Variants in GNB4 observed in about 807,000 individuals in gnomAD.
GNB4 encodes the protein guanine nucleotide-binding protein subunit beta-4.
A neutral mutation model predicts 45.2 loss-of-function variants in GNB4; 28 were observed. The observed-to-expected ratio is 0.62, with a 90% CI of 0.46 to 0.85. The LOEUF is 0.85. Ranked by LOEUF, GNB4 falls within the 40% of genes least tolerant of loss-of-function variation. GNB4 has a pLI of 0.00. For synonymous variants in GNB4, 132 were observed against 143.7 expected, an observed-to-expected ratio of 0.92 and a Z score of 0.58; for missense variants, 321 against 425.4, an observed-to-expected ratio of 0.75 and a Z score of 2.16.
chr3:179,416,244 A>G (rs2108592572), intron 5 of GNB4, among the ~76,000 whole-genome samples: 1 of 152,332 alleles, frequency 6.6e-6, no homozygotes, highest in Middle Eastern at 3.4e-3. Flanking sequence ...AGTATATGTA[A>G]AATGGTACTC....
At chr3:179,429,819 T>C (rs373941809) in intron 1 of GNB4, among the ~76,000 whole-genome samples, 45 of 152,194 alleles carry the variant, frequency 3.0e-4, no homozygotes, top group African/African-American at 5.5e-4. Context: ...CAAAACTACC[T>C]GGCAACCCTG....
chr3:179,403,211 A>G (rs1465027650), intron 9 of GNB4, among the ~76,000 whole-genome samples: 1 of 152,176 alleles, frequency 6.6e-6, no homozygotes, highest in Non-Finnish European at 1.5e-5. Context: ...AGAGCTTCAA[A>G]TGGTTTTAGT....
chr3:179,420,472 T>A lies in GNB4; in HGVS notation c.96+417A>T, dbSNP rs568580548. 3.7e-3 allele frequency among the ~76,000 whole-genome samples: 555 copies of A among 148,546 alleles called. 3 individuals are homozygous for A. Among genetic ancestry groups the A allele is most frequent in the African/African-American group, 0.011 (453 of 39,998 alleles). On this transcript the variant is annotated intron_variant, in intron 3 of 9. Transcript: ENST00000232564. Reference sequence around the variant, plus strand: ...TATATATACATATATATATATATATTTTTTTTTGAGACGGCGTCTCACTCT... The same window carrying A: ...TATATATACATATATATATATATATATTTTTTTGAGACGGCGTCTCACTCT...
chr3:179,447,346 TAA>T (rs33953450), intron 1 of GNB4, among the ~76,000 whole-genome samples: 9 of 121,344 alleles, frequency 7.4e-5, no homozygotes, highest in Admixed American at 8.9e-5. Context: ...ATCATGGTAT[TAA>T]AAAAAAAAAA....
At chr3:179,519,979 C>T in the GNB4 span, among the ~76,000 whole-genome samples, 1 of 152,188 alleles carries the variant, frequency 6.6e-6, no homozygotes, top group East Asian at 1.9e-4. Flanking sequence ...GAAAGCCTTA[C>T]AGGTTAGTTC....
chr3:179,490,170 A>G, the GNB4 span, among the ~76,000 whole-genome samples: 4 of 152,352 alleles, frequency 2.6e-5, no homozygotes, highest in East Asian at 7.7e-4. Flanking sequence ...TAGCAGATGT[A>G]CTGGAGAAGA....
At chr3:179,403,008 G>A (rs1263602254) in intron 9 of GNB4, among the ~76,000 whole-genome samples, 3 of 152,196 alleles carry the variant, frequency 2.0e-5, no homozygotes, top group Non-Finnish European at 4.4e-5. Context: ...AAGTTTACTA[G>A]CTAAATGTTG....
the GNB4 span, among the ~76,000 whole-genome samples, chr3:179,480,666 A>G: frequency 6.6e-6 from 1 of 152,096 alleles, no homozygotes; most frequent in Non-Finnish European, 1.5e-5. Flanking sequence ...ATCCATGTCC[A>G]CATTGATAAG....
the GNB4 span, among the ~76,000 whole-genome samples, chr3:179,462,140 G>A: frequency 6.6e-6 from 1 of 151,564 alleles, no homozygotes; most frequent in Non-Finnish European, 1.5e-5. Flanking sequence ...AGAGGTGCTG[G>A]GATTTTCCTT....
At chr3:179,509,290 G>GACC in the GNB4 span, among the ~76,000 whole-genome samples, 1 of 151,860 alleles carries the variant, frequency 6.6e-6, no homozygotes, top group African/African-American at 2.4e-5. Flanking sequence ...TGGAGATCTG[G>GACC]AGAACATTTA....
chr3:179,514,661 T>C, the GNB4 span, among the ~76,000 whole-genome samples: 2 of 151,838 alleles, frequency 1.3e-5, no homozygotes, highest in African/African-American at 2.4e-5. Context: ...GAAGAGACAA[T>C]AGGGGTGTGA....
intron 1 of GNB4, among the ~76,000 whole-genome samples, chr3:179,442,461 T>C (rs956808014): frequency 7.2e-5 from 11 of 152,198 alleles, no homozygotes; most frequent in African/African-American, 2.4e-4. Flanking sequence ...TCTAAGATTT[T>C]GTGAACTAAA....
At chr3:179,403,631 G>A (rs146457193) in intron 9 of GNB4, among the ~76,000 whole-genome samples, 2,222 of 151,846 alleles carry the variant, frequency 0.015, 64 homozygotes, top group African/African-American at 0.051. Flanking sequence ...CACCTCTACT[G>A]AAAATACAAA....
chr3:179,466,035 G>C, the GNB4 span, among the ~76,000 whole-genome samples: 1 of 122,550 alleles, frequency 8.2e-6, no homozygotes, highest in East Asian at 2.8e-4. Flanking sequence ...TTTTGAGATT[G>C]AGTCTCGCTC....
chr3:179,443,346 C>T (rs563270706), intron 1 of GNB4, among the ~76,000 whole-genome samples: 3 of 152,256 alleles, frequency 2.0e-5, no homozygotes, highest in African/African-American at 7.2e-5. Flanking sequence ...CGAGACCAGC[C>T]TGGCCAACAT....
At chr3:179,517,401 C>T in the GNB4 span, among the ~76,000 whole-genome samples, 156 of 152,176 alleles carry the variant, frequency 1.0e-3, no homozygotes, top group African/African-American at 2.3e-3. Flanking sequence ...GGACTCAGCC[C>T]GCCTGCACCC....
chr3:179,526,131 G>A, the GNB4 span, among the ~76,000 whole-genome samples: 2 of 152,216 alleles, frequency 1.3e-5, no homozygotes, highest in Admixed American at 1.3e-4. Flanking sequence ...AGTCAAAAGG[G>A]GGTTGTTCTC....
At chr3:179,482,564 C>T in the GNB4 span, among the ~76,000 whole-genome samples, 2 of 152,124 alleles carry the variant, frequency 1.3e-5, no homozygotes, top group African/African-American at 4.8e-5. Flanking sequence ...TCATAACTCC[C>T]TGCCCCCACT....
chr3:179,505,169 C>T, the GNB4 span, among the ~76,000 whole-genome samples: 9 of 152,136 alleles, frequency 5.9e-5, no homozygotes, highest in African/African-American at 1.4e-4. Context: ...TATACCAATA[C>T]GGCATCAGTA....
Sources: allele counts gnomAD v4.1 joint callset (sites outside exome capture counted in the v4.1 genomes callset), GRCh38; gene constraint gnomAD v4.1.1; transcripts MANE v1.5; gene names NCBI Gene and HGNC (gene_info 2026-07-23, HGNC 2026-07-21).